P2RX7: variants seen among roughly 807,000 people sequenced by gnomAD.
The protein encoded by P2RX7 is P2X purinoceptor 7.
Under a neutral mutation model 71.6 loss-of-function variants are expected in P2RX7, and 62 were observed. The observed-to-expected ratio is 0.87, with a 90% confidence interval of 0.71 to 1.07. P2RX7 has a LOEUF of 1.07. Among genes scored for constraint, P2RX7 ranks in the 50% least tolerant of loss-of-function variants. The pLI is 0.00. For missense variants in P2RX7, 686 were observed against 748.5 expected, an observed-to-expected ratio of 0.92 and a Z score of 0.97; for synonymous variants, 299 against 283.3, an observed-to-expected ratio of 1.06 and a Z score of -0.56.
chr12:121,165,164 ATTC>A (rs1880744892), intron 5 of P2RX7, among the ~76,000 whole-genome samples, 190 bp from the exon 6 acceptor site: 1 of 152,152 alleles, frequency 6.6e-6, no homozygotes, highest in South Asian at 2.1e-4. Context: ...GAAGGGAGAA[ATTC>A]TTCTTGGAGG....
At position 121,187,695 on chromosome 12, in the gene P2RX7, G is replaced by A. The variant is rs546527437; in HGVS notation, c.*2893G>A. On this transcript the variant is annotated 3_prime_UTR_variant, in exon 13 of 13. Transcript: ENST00000328963. ...CAACTGTGTGTAATATGTCAGACAC[G>A]TCCTACAATAACAGGCGTCATATTT... is the stretch of plus-strand genomic sequence containing the variant. 1 of 152,250 alleles carries A rather than the reference G, an allele frequency of 6.6e-6. No homozygotes were observed. Among genetic ancestry groups the A allele is most frequent in the South Asian group, 2.1e-4 (1 of 4,822 alleles). The allele number at this position is 152,250 out of a possible 1,614,324, so 9.4% of individuals were successfully genotyped here. A position where few individuals can be genotyped will look rare whatever the true frequency, so the allele number is the denominator to read the frequency against.
At chr12:121,166,263 G>A in intron 7 of P2RX7, 76 bp downstream of exon 7, 1 of 1,482,430 alleles carries the variant, frequency 6.7e-7, no homozygotes, top group African/African-American at 1.4e-5. Context: ...CAAGAGGCCG[G>A]GCCACTGGGT....
chr12:121,179,239 C>T (rs1883694030), intron 11 of P2RX7, among the ~76,000 whole-genome samples: 1 of 152,160 alleles, frequency 6.6e-6, no homozygotes, highest in African/African-American at 2.4e-5. Context: ...TGGCTCACGC[C>T]TGTAGTCCCA....
At chr12:121,172,857 A>G (rs1197931908) in intron 8 of P2RX7, among the ~76,000 whole-genome samples, 1 of 152,224 alleles carries the variant, frequency 6.6e-6, no homozygotes, top group East Asian at 1.9e-4. Flanking sequence ...AACATCTGCC[A>G]TCTGCTTTCT....
At position 121,187,816 on chromosome 12, in the gene P2RX7, C is replaced by G. The variant is rs910181358; in HGVS notation, c.*3014C>G. The stretch of plus-strand genomic sequence containing the variant: ...CTGTTTTCTTATACTTAAAGACAGA[C>G]TTCTGCTACGGTAATTGCCAGTATT... On this transcript the variant is annotated 3_prime_UTR_variant, in exon 13 of 13. Transcript: ENST00000328963. 2 of 152,172 alleles carry G rather than the reference C, an allele frequency of 1.3e-5. No homozygotes were observed. Among genetic ancestry groups the G allele is most frequent in the African/African-American group, 4.8e-5 (2 of 41,432 alleles). 9.4% of individuals were successfully genotyped at this position (152,172 alleles called of 1,614,324 possible).
chr12:121,165,583 T>G, intron 6 of P2RX7, 146 bp downstream of exon 6: 1 of 692,178 alleles, frequency 1.4e-6, no homozygotes, highest in Non-Finnish European at 2.5e-6. Flanking sequence ...TGCTGCGTGG[T>G]TCTGGCTCAA....
At chr12:121,159,417 CAAAA>C (rs397850013) in intron 3 of P2RX7, among the ~76,000 whole-genome samples, 1 of 65,766 alleles carries the variant, frequency 1.5e-5, no homozygotes, top group African/African-American at 6.0e-5. Context: ...ACTCTGTCTC[CAAAA>C]AAAAAAAAAA....
chr12:121,154,290 CAA>C lies in P2RX7; in HGVS notation c.126-483_126-482del, dbSNP rs58387580. Among the ~76,000 whole-genome samples, 6 of 127,714 alleles carry C rather than the reference CAA, an allele frequency of 4.7e-5. No individual in the cohort carries two copies. Among genetic ancestry groups the C allele is most frequent in the African/African-American group, 2.9e-5 (1 of 34,398 alleles). The allele number at this position is 127,714 out of a possible 152,430, so 83.8% of individuals were successfully genotyped here. ...GGGCAACAAGAGCAAAACTCTGTTT[CAA>C]AAAAAAAAAAAGAGAGAGAGAGAGA... On this transcript the variant is annotated intron_variant, in intron 1 of 12. Transcript: ENST00000328963. This position sits in a 1 kb window ranked among gnomAD's most constrained non-coding sequence, Gnocchi z 4.2.
rs924324739 is a variant in P2RX7, at chr12:121,161,162, G to A, written c.436+188G>A. ...CAGACCAGCTGCTGACTGTAAACAT[G>A]ACTCCAGTTTTCCAGTGAGAGAAGA... On this transcript the variant is annotated intron_variant, in intron 4 of 12. Coordinates refer to ENST00000328963, the MANE Select transcript of P2RX7 (RefSeq NM_002562.6). 2.0e-5 allele frequency among the ~76,000 whole-genome samples: 3 copies of A among 152,130 alleles called. No individual in the cohort carries two copies. In the East Asian group the frequency reaches 5.8e-4, roughly 29 times the overall value.
chr12:121,175,365 T>C (rs1310201781), intron 8 of P2RX7, 23 bp from the exon 9 acceptor site: 1 of 1,272,098 alleles, frequency 7.9e-7, no homozygotes, highest in Non-Finnish European at 1.1e-6. Flanking sequence ...ATCTTACAAA[T>C]ACAGATCCTT....
In P2RX7 at chr12:121,184,313, G is replaced by A. The variant is rs550298475; in HGVS notation, c.1299G>A (p.Ala433=). 1.2e-5 allele frequency: 19 copies of A among 1,601,848 alleles called. No homozygotes were observed. Among genetic ancestry groups the A allele is most frequent in the South Asian group, 3.3e-5 (3 of 90,154 alleles). ...GAAACTTGCTTTTTCAGAGACCTGC[G>A]ATGGACTTCACAGATTTGTCCAGGC... is the stretch of plus-strand genomic sequence containing the variant. ...DVKGQEVPRP[A]MDFTDLSRLP... is the part of the protein sequence containing the mutation. Residue 433 remains alanine (A), a synonymous_variant, in exon 13 of 13, where the codon GCG becomes GCA. Transcript: ENST00000328963.
At chr12:121,148,237 C>A (rs988331184) in intron 1 of P2RX7, among the ~76,000 whole-genome samples, 1 of 132,414 alleles carries the variant, frequency 7.6e-6, no homozygotes, top group Non-Finnish European at 1.7e-5. Context: ...TATTTTGAGA[C>A]AGAGTCTCAC....
chr12:121,171,677 T>A (rs1027149192), intron 8 of P2RX7, among the ~76,000 whole-genome samples: 1 of 152,018 alleles, frequency 6.6e-6, no homozygotes, highest in Non-Finnish European at 1.5e-5. Flanking sequence ...CGAAAAACAC[T>A]CTTGTTCAAG....
chr12:121,141,855 G>A (rs925543587), intron 1 of P2RX7, among the ~76,000 whole-genome samples: 1 of 152,066 alleles, frequency 6.6e-6, no homozygotes, highest in Non-Finnish European at 1.5e-5. Flanking sequence ...TGTGTTATGC[G>A]TTCCACCACA....
chr12:121,136,023 A>AAAAT, intron 1 of P2RX7, among the ~76,000 whole-genome samples: 8 of 15,268 alleles, frequency 5.2e-4, no homozygotes, highest in Non-Finnish European at 1.5e-3. Flanking sequence ...AAAAAAAAAA[A>AAAAT]ATATATATAT....
At chr12:121,156,436 G>A (rs1170648564) in intron 3 of P2RX7, among the ~76,000 whole-genome samples, 2 of 152,170 alleles carry the variant, frequency 1.3e-5, no homozygotes, top group African/African-American at 2.4e-5. Context: ...GGCTCTCTTC[G>A]CAGCTTATGA....
rs182146336 is a variant in P2RX7, at chr12:121,145,447, G to A, written c.126-9338G>A. Reference sequence around the variant, plus strand: ...TGGGAGCCAGACTAGAGTGGGTAGAGGAGTGAGTGAATCAAGATGCGGAAG... The same window carrying A: ...TGGGAGCCAGACTAGAGTGGGTAGAAGAGTGAGTGAATCAAGATGCGGAAG... On this transcript the variant is annotated intron_variant, in intron 1 of 12. Coordinates refer to ENST00000328963, the MANE Select transcript of P2RX7 (RefSeq NM_002562.6). Among the ~76,000 whole-genome samples the A allele has an allele frequency of 3.2e-4, 48 of 152,206 alleles. No homozygotes were observed. In the South Asian group the frequency reaches 4.4e-3, roughly 14 times the overall value.
chr12:121,165,411 C>T lies in P2RX7; in HGVS notation c.588C>T (p.Ile196=), dbSNP rs765239268. Residue 196 remains isoleucine (I), a synonymous_variant, in exon 6 of 13, where the codon ATC becomes ATT. Transcript: ENST00000328963. The part of the protein sequence containing the change: ...ENFTVLIKNN[I]DFPGHNYTTR... ...TCACTGTGCTCATCAAGAACAATAT[C>T]GACTTCCCCGGCCACAACTACACCA... 13 of 1,613,914 alleles carry T rather than the reference C, an allele frequency of 8.1e-6. No homozygotes were observed. Among genetic ancestry groups the T allele is most frequent in the Admixed American group, 3.3e-5 (2 of 59,986 alleles).
chr12:121,135,805 C>A (rs1326352490), intron 1 of P2RX7, among the ~76,000 whole-genome samples: 1 of 150,940 alleles, frequency 6.6e-6, no homozygotes. Flanking sequence ...GAGTTTGAGA[C>A]CAGCCTGGCC....
Sources: allele counts gnomAD v4.1 joint callset (sites outside exome capture counted in the v4.1 genomes callset), GRCh38; gene constraint gnomAD v4.1.1; non-coding constraint Gnocchi (gnomAD v3.1); transcripts MANE v1.5; gene names NCBI Gene and HGNC (gene_info 2026-07-23, HGNC 2026-07-21).